The following GUCA1C variants were observed in gnomAD, a reference collection of about 807,000 sequenced individuals.
GUCA1C encodes the protein guanylyl cyclase-activating protein 3.
Under a neutral mutation model 16.2 loss-of-function variants are expected in GUCA1C, and 15 were observed. The observed-to-expected ratio is 0.93, with a 90% CI of 0.62 to 1.43. The LOEUF (loss-of-function observed/expected upper bound fraction) is 1.43, where lower values mean the gene tolerates loss of function less well. GUCA1C is among the 40% of genes most tolerant of loss of function. The probability of loss-of-function intolerance (pLI) is 0.00; values close to 1 mark genes in which losing one functional copy is unlikely to be tolerated. For synonymous variants in GUCA1C, 78 were observed against 85.4 expected, an observed-to-expected ratio of 0.91 and a Z score of 0.48; for missense variants, 275 against 244.8, an observed-to-expected ratio of 1.12 and a Z score of -0.82.
chr3:108,909,876 A>T (rs989972232), intron 3 of GUCA1C, among the ~76,000 whole-genome samples: 1 of 152,184 alleles, frequency 6.6e-6, no homozygotes, highest in Non-Finnish European at 1.5e-5. Flanking sequence ...CCATATCTAA[A>T]CTACTTCTTT....
chr3:108,919,182 T>A (rs1393669476), intron 2 of GUCA1C, among the ~76,000 whole-genome samples: 3 of 151,976 alleles, frequency 2.0e-5, no homozygotes, highest in African/African-American at 7.3e-5. Flanking sequence ...ATTATTAAAT[T>A]TCTGTTCTGT....
chr3:108,930,273 A>C (rs1373796976), intron 1 of GUCA1C, among the ~76,000 whole-genome samples: 1 of 152,182 alleles, frequency 6.6e-6, no homozygotes, highest in Non-Finnish European at 1.5e-5. Flanking sequence ...GATGTGACAT[A>C]AAGTAAACCA....
chr3:108,927,348 T>C (rs1576549306), intron 1 of GUCA1C, among the ~76,000 whole-genome samples: 1 of 152,304 alleles, frequency 6.6e-6, no homozygotes, highest in South Asian at 2.1e-4. Flanking sequence ...ATTTCTCTTC[T>C]TCCTCAGGAA....
At chr3:108,936,223 C>T (rs1000408059) in intron 1 of GUCA1C, among the ~76,000 whole-genome samples, 1 of 152,004 alleles carries the variant, frequency 6.6e-6, no homozygotes, top group Non-Finnish European at 1.5e-5. Context: ...GATCTCAACA[C>T]TGCACTCCAG....
At chr3:108,922,459 G>C (rs748664715) in intron 1 of GUCA1C, among the ~76,000 whole-genome samples, 3 of 152,138 alleles carry the variant, frequency 2.0e-5, no homozygotes, top group Non-Finnish European at 2.9e-5. Flanking sequence ...CCCACCAGCA[G>C]TGTAAAAGTG....
At chr3:108,937,108 A>G (rs1193612698) in intron 1 of GUCA1C, among the ~76,000 whole-genome samples, 1 of 152,110 alleles carries the variant, frequency 6.6e-6, no homozygotes, top group Non-Finnish European at 1.5e-5. Context: ...TGACGTGTTC[A>G]TCCTTGTCCA....
At chr3:108,952,564 A>T (rs573594008) in intron 1 of GUCA1C, among the ~76,000 whole-genome samples, 2 of 152,138 alleles carry the variant, frequency 1.3e-5, no homozygotes, top group African/African-American at 4.8e-5. Flanking sequence ...CCTGCCTGTT[A>T]CCTCCTTTTA....
intron 1 of GUCA1C, among the ~76,000 whole-genome samples, chr3:108,933,392 G>C (rs564683598): frequency 2.0e-5 from 3 of 152,250 alleles, no homozygotes; most frequent in Admixed American, 2.0e-4. Flanking sequence ...GTGGATTCCA[G>C]GGAAAAGTTT....
At chr3:108,928,182 C>T (rs1289287970) in intron 1 of GUCA1C, among the ~76,000 whole-genome samples, 1 of 152,122 alleles carries the variant, frequency 6.6e-6, no homozygotes, top group African/African-American at 2.4e-5. Context: ...TGGTATGTAC[C>T]TGTGGTAGTT....
intron 1 of GUCA1C, among the ~76,000 whole-genome samples, chr3:108,949,514 G>A (rs6787977): frequency 0.031 from 4,760 of 152,278 alleles, 234 homozygotes; most frequent in African/African-American, 0.11. Context: ...ACTGGTGGTA[G>A]TCTAAGCCCA....
chr3:108,921,816 CA>C (rs1320214124), intron 1 of GUCA1C, among the ~76,000 whole-genome samples: 26 of 151,792 alleles, frequency 1.7e-4, no homozygotes, highest in African/African-American at 5.3e-4. Flanking sequence ...TTTTGGGGAT[CA>C]GGGGGCATTT....
At chr3:108,952,188 G>A (rs1248655225) in intron 1 of GUCA1C, among the ~76,000 whole-genome samples, 1 of 152,200 alleles carries the variant, frequency 6.6e-6, no homozygotes, top group Non-Finnish European at 1.5e-5. Flanking sequence ...GAATGACAGA[G>A]AGAAAGAAAG....
rs1196262498 is a variant in GUCA1C at position 108,953,542 on chromosome 3, A to G, written c.204+17T>C. Reference sequence around the variant, plus strand: ...ACCACAGCATTTTCAAATGAAATGAAAAATGAAAGATCTTACCTTGTTCGT... The same window carrying G: ...ACCACAGCATTTTCAAATGAAATGAGAAATGAAAGATCTTACCTTGTTCGT... On this transcript the variant is annotated intron_variant, in intron 1 of 3. Transcript: ENST00000261047. 4 of 1,526,210 alleles carry G rather than the reference A, an allele frequency of 2.6e-6. No individual in the cohort carries two copies. The highest frequency in any genetic ancestry group is 3.6e-6 in the Non-Finnish European group (4 of 1,100,720). The allele number at this position is 1,526,210 out of a possible 1,614,324, so 94.5% of individuals were successfully genotyped here.
At chr3:108,919,504 T>C (rs1271739633) in intron 2 of GUCA1C, among the ~76,000 whole-genome samples, 1 of 152,204 alleles carries the variant, frequency 6.6e-6, no homozygotes, top group East Asian at 1.9e-4. Flanking sequence ...TTTGTGTGAA[T>C]GATCTATGTG....
At chr3:108,910,552 T>C (rs991329281) in intron 3 of GUCA1C, among the ~76,000 whole-genome samples, 2 of 151,932 alleles carry the variant, frequency 1.3e-5, no homozygotes, top group African/African-American at 4.8e-5. Flanking sequence ...TGAGAGATGA[T>C]AGAGCAGGGA....
intron 3 of GUCA1C, among the ~76,000 whole-genome samples, chr3:108,908,753 C>T (rs1482071511): frequency 6.6e-6 from 1 of 152,186 alleles, no homozygotes; most frequent in African/African-American, 2.4e-5. Flanking sequence ...CCTTGACTTA[C>T]ACCTTAGGTC....
chr3:108,948,897 G>T (rs1412257097), intron 1 of GUCA1C, among the ~76,000 whole-genome samples: 1 of 151,290 alleles, frequency 6.6e-6, no homozygotes, highest in Non-Finnish European at 1.5e-5. Flanking sequence ...ACCCAGGCTG[G>T]AGTACAAGGG....
At chr3:108,910,206 T>G (rs1174053950) in intron 3 of GUCA1C, among the ~76,000 whole-genome samples, 1 of 152,124 alleles carries the variant, frequency 6.6e-6, no homozygotes, top group Non-Finnish European at 1.5e-5. Context: ...CACTAAAGAA[T>G]CTACCAGCAA....
At position 108,907,843 on chromosome 3, in the gene GUCA1C, A is replaced by G. The variant is rs936044031; in HGVS notation, c.*179T>C. ...TGCAGAGACAGCACAGAAAAGCAAC[A>G]ATGCATCTGTTTAGGATCTTTATGC... On this transcript the variant is annotated 3_prime_UTR_variant, in exon 4 of 4. Coordinates refer to ENST00000261047, the MANE Select transcript of GUCA1C (RefSeq NM_005459.4). The G allele has an allele frequency of 9.0e-6, 5 of 552,854 alleles. No homozygotes were observed. In the African/African-American group the frequency reaches 9.5e-5, roughly 10 times the overall value. 34.2% of individuals were successfully genotyped at this position (552,854 alleles called of 1,614,324 possible). A position where few individuals can be genotyped will look rare whatever the true frequency, so the allele number is the denominator to read the frequency against.
Sources: gnomAD v4.1 joint callset for allele counts (sites outside exome capture counted in the v4.1 genomes callset) on GRCh38, gnomAD v4.1.1 for gene constraint, MANE v1.5 for transcripts, NCBI Gene and HGNC (gene_info 2026-07-23, HGNC 2026-07-21) for gene names.